Variants in HIPK3 observed in about 807,000 individuals in gnomAD.
HIPK3 encodes homeodomain interacting protein kinase 3.
In HIPK3, 47 loss-of-function variants were observed where a neutral mutation model predicts 124.2. That is an observed-to-expected ratio of 0.38 (90% CI 0.30 to 0.48). The LOEUF (loss-of-function observed/expected upper bound fraction) is 0.48, where lower values mean the gene tolerates loss of function less well. HIPK3 is among the 20% of genes least tolerant of loss of function. HIPK3 has a pLI of 0.98. For synonymous variants in HIPK3, 482 were observed against 515.2 expected, an observed-to-expected ratio of 0.94 and a Z score of 0.87; for missense variants, 1,286 against 1,454.3, an observed-to-expected ratio of 0.88 and a Z score of 1.88.
At chr11:33,293,996 G>A (rs144268007) in intron 2 of HIPK3, among the ~76,000 whole-genome samples, 5 of 152,030 alleles carry the variant, frequency 3.3e-5, no homozygotes, top group East Asian at 1.9e-4. Context: ...GTCAAACCCC[G>A]TCTCTACTAA....
chr11:33,257,830 C>T lies in HIPK3; in HGVS notation c.-62C>T. On this transcript the variant is annotated 5_prime_UTR_variant, in exon 1 of 17. Transcript: ENST00000303296. ...GTCCCCGGCACGGCCCTGCGCCCCA[C>T]CCCGGACATGCTCAGGGCTGCGGCC... 1 of 986,156 alleles carries T rather than the reference C, an allele frequency of 1.0e-6. No individual in the cohort carries two copies. The highest frequency in any genetic ancestry group is 1.2e-6 in the Non-Finnish European group (1 of 830,518). The allele number at this position is 986,156 out of a possible 1,614,324, so 61.1% of individuals were successfully genotyped here.
intron 3 of HIPK3, among the ~76,000 whole-genome samples, chr11:33,330,385 G>A (rs1852939563): frequency 6.6e-6 from 1 of 152,156 alleles, no homozygotes; most frequent in African/African-American, 2.4e-5. Flanking sequence ...CTGGAGTGCA[G>A]TGGCGTGATC....
chr11:33,339,900 G>A (rs1423377514), intron 6 of HIPK3, among the ~76,000 whole-genome samples: 2 of 152,032 alleles, frequency 1.3e-5, no homozygotes, highest in Non-Finnish European at 2.9e-5. Flanking sequence ...ATTTTGAGTC[G>A]TGCAACTTCC....
At chr11:33,267,010 C>T (rs2133868784) in intron 1 of HIPK3, among the ~76,000 whole-genome samples, 1 of 152,264 alleles carries the variant, frequency 6.6e-6, no homozygotes, top group East Asian at 1.9e-4. Context: ...TTCTATTAGG[C>T]TTGCCCTTTC....
intron 2 of HIPK3, among the ~76,000 whole-genome samples, chr11:33,292,204 A>G (rs1851717185): frequency 6.6e-6 from 1 of 152,132 alleles, no homozygotes; most frequent in Non-Finnish European, 1.5e-5. Flanking sequence ...TTATTCTTTG[A>G]TAAGGAGAAA....
chr11:33,355,438 GACTTA>G lies in HIPK3; in HGVS notation c.*1875_*1879del, dbSNP rs1185808948. The stretch of plus-strand genomic sequence containing the variant: ...TGAGAAAGCTGTATCTTGCAGGCTT[GACTTA>G]ACTTTTTTCCTTAAAAATCTGGAAT... On this transcript the variant is annotated 3_prime_UTR_variant, in exon 17 of 17. Transcript: ENST00000303296. The G allele has an allele frequency of 6.6e-6, 1 of 151,940 alleles. No homozygotes were observed. The highest frequency in any genetic ancestry group is 2.4e-5 in the African/African-American group (1 of 41,408). 9.4% of individuals were successfully genotyped at this position (151,940 alleles called of 1,614,324 possible).
At chr11:33,288,600 G>A (rs1851618155) in intron 2 of HIPK3, among the ~76,000 whole-genome samples, 1 of 152,122 alleles carries the variant, frequency 6.6e-6, no homozygotes, top group South Asian at 2.1e-4. Context: ...GGAAGTTAAA[G>A]AAGAAAATAA....
At chr11:33,304,045 A>T (rs943921794) in intron 2 of HIPK3, among the ~76,000 whole-genome samples, 1 of 152,092 alleles carries the variant, frequency 6.6e-6, no homozygotes, top group South Asian at 2.1e-4. Flanking sequence ...GGTTCATGCG[A>T]TTCCTCTGCC....
Position 33,347,639 on chromosome 11 carries a change from G to A in HIPK3, c.2030G>A (p.Gly677Asp). ...CTTTGCTGCAAGCAGACGTGGTCTG[G>A]TAGAACACAGCAGATGCTGGTGCCT... is the stretch of plus-strand genomic sequence containing the variant. ...RPGVLSQTWSGRTQQMLVPAW... is the reference protein window; with the variant it reads ...RPGVLSQTWSDRTQQMLVPAW... Residue 677 changes from glycine (G) to aspartate (D), a missense_variant, in exon 10 of 17, where the codon GGT becomes GAT. Gly to Asp is a moderately conservative substitution (Grantham distance 94). This residue lies in a region of HIPK3 where 810 missense variants were observed against 864.9 expected (regional missense o/e 0.94). Transcript: ENST00000303296. 6.2e-7 allele frequency: 1 copy of A among 1,613,948 alleles called. No individual in the cohort carries two copies. Among genetic ancestry groups the A allele is most frequent in the South Asian group, 1.1e-5 (1 of 91,062 alleles).
In HIPK3 at chr11:33,320,317, AAAG is replaced by A. The variant is rs1852627039; in HGVS notation, c.1098-8187_1098-8185del. Reference sequence around the variant, plus strand: ...GATGGCAGAGGGTAAGGACAGAAGCAAAGAAGAACAGGAAGCTCTTGTAATAAC... The same window carrying A: ...GATGGCAGAGGGTAAGGACAGAAGCAAAGAACAGGAAGCTCTTGTAATAAC... On this transcript the variant is annotated intron_variant, in intron 2 of 16. Transcript: ENST00000303296. 2.0e-5 allele frequency among the ~76,000 whole-genome samples: 3 copies of A among 152,236 alleles called. No individual in the cohort carries two copies. The South Asian group carries it at 6.2e-4, about 32-fold the overall frequency.
At chr11:33,308,613 GGT>G (rs10628141) in intron 2 of HIPK3, among the ~76,000 whole-genome samples, 165 of 147,376 alleles carry the variant, frequency 1.1e-3, no homozygotes, top group South Asian at 2.2e-3. Flanking sequence ...TGTGCCTAGG[GGT>G]GTGTGTGTGT....
intron 2 of HIPK3, among the ~76,000 whole-genome samples, chr11:33,319,276 C>T (rs998293715): frequency 1.3e-5 from 2 of 152,182 alleles, no homozygotes; most frequent in East Asian, 3.8e-4. Flanking sequence ...GCAGGTGGGT[C>T]ATGAGGTCAA....
At chr11:33,317,351 G>C (rs1228605183) in intron 2 of HIPK3, among the ~76,000 whole-genome samples, 1 of 145,770 alleles carries the variant, frequency 6.9e-6, no homozygotes, top group Non-Finnish European at 1.5e-5. Context: ...GCTCCCTGTA[G>C]TCTTGCTCAG....
chr11:33,295,287 C>CCG (rs979596938), intron 2 of HIPK3, among the ~76,000 whole-genome samples: 1 of 146,044 alleles, frequency 6.8e-6, no homozygotes, highest in Non-Finnish European at 1.5e-5. Flanking sequence ...GCCCCCCCCC[C>CCG]ACAACTCCAC....
intron 2 of HIPK3, among the ~76,000 whole-genome samples, chr11:33,312,703 A>T (rs1217913501): frequency 6.6e-6 from 1 of 152,182 alleles, no homozygotes; most frequent in African/African-American, 2.4e-5. Context: ...TACAATTTAA[A>T]TCTTAAGTTT....
At position 33,287,150 on chromosome 11, in the gene HIPK3, G is replaced by A; in HGVS notation, c.736G>A (p.Ala246Thr). 1 of 1,614,126 alleles carries A rather than the reference G, an allele frequency of 6.2e-7. No individual in the cohort carries two copies. Among genetic ancestry groups the A allele is most frequent in the Non-Finnish European group, 8.5e-7 (1 of 1,180,008 alleles). The change falls in exon 2 of 17, where the codon GCA (alanine) becomes ACA (threonine). Residue 246 changes from alanine to threonine, a missense_variant. This residue lies in a region of HIPK3 where 251 missense variants were observed against 349.1 expected (regional missense o/e 0.72). Transcript: ENST00000303296. ...AGGTCAAATAGAAGTGAGCATATTA[G>A]CAAGGCTCAGTACTGAAAATGCTGA... is the stretch of plus-strand genomic sequence containing the variant. The part of the protein sequence containing the change: ...RQGQIEVSIL[A>T]RLSTENADEY...
At chr11:33,322,154 C>T (rs1224694998) in intron 2 of HIPK3, among the ~76,000 whole-genome samples, 5 of 152,098 alleles carry the variant, frequency 3.3e-5, no homozygotes, top group Admixed American at 3.3e-4. Context: ...CGCTTGCCAC[C>T]ACACCCAGCT....
chr11:33,324,553 G>A (rs769153220), intron 2 of HIPK3, among the ~76,000 whole-genome samples: 1 of 152,198 alleles, frequency 6.6e-6, no homozygotes, highest in African/African-American at 2.4e-5. Flanking sequence ...CTTCAAGAGA[G>A]TCCCCTGTGT....
chr11:33,293,056 G>A (rs920712520), intron 2 of HIPK3, among the ~76,000 whole-genome samples: 8 of 152,172 alleles, frequency 5.3e-5, no homozygotes, highest in South Asian at 2.1e-4. Flanking sequence ...GGTTTTCAGC[G>A]CCATACCTGT....
Sources: allele counts gnomAD v4.1 joint callset (sites outside exome capture counted in the v4.1 genomes callset), GRCh38; gene constraint gnomAD v4.1.1; regional missense constraint gnomAD v4.1.1; transcripts MANE v1.5; gene names NCBI Gene and HGNC (gene_info 2026-07-23, HGNC 2026-07-21).